The following ATG13 variants were observed in gnomAD, a reference collection of about 807,000 sequenced individuals.
ATG13 encodes autophagy-related protein 13.
A neutral mutation model predicts 65.5 loss-of-function variants in ATG13; 23 were observed. The observed-to-expected ratio is 0.35, with a 90% CI of 0.25 to 0.50. The LOEUF (loss-of-function observed/expected upper bound fraction) is 0.50, where lower values mean the gene tolerates loss of function less well. Among genes scored for constraint, ATG13 ranks in the 20% least tolerant of loss-of-function variants. ATG13 has a pLI of 0.98. For missense variants in ATG13, 566 were observed against 677.0 expected, an observed-to-expected ratio of 0.84 and a Z score of 1.82; for synonymous variants, 252 against 245.2, an observed-to-expected ratio of 1.03 and a Z score of -0.26.
chr11:46,621,569 G>A (rs1565394957), intron 1 of ATG13, among the ~76,000 whole-genome samples: 1 of 152,048 alleles, frequency 6.6e-6, no homozygotes, highest in Non-Finnish European at 1.5e-5. Flanking sequence ...ATGCATGTAG[G>A]TAGTTTGATT....
rs112132392 is a variant in ATG13, at chr11:46,666,862, A to AT, written c.1137-900dup. Among the ~76,000 whole-genome samples the AT allele has an allele frequency of 5.1e-4, 75 of 147,938 alleles. 1 individual carries two copies. The highest frequency in any genetic ancestry group is 4.5e-3 in the East Asian group (23 of 5,062). The stretch of plus-strand genomic sequence containing the variant: ...AACTTTCTCCTGATAGAAATTCCTG[A>AT]TTTTTTTTTTTCATTCCCACGGTAA... On this transcript the variant is annotated intron_variant, in intron 14 of 18. Coordinates refer to ENST00000683050, the MANE Select transcript of ATG13 (RefSeq NM_001346311.2).
At chr11:46,654,309 A>ATATATATATATATATATATATATG (rs1565550648) in intron 7 of ATG13, among the ~76,000 whole-genome samples, 2 of 143,822 alleles carry the variant, frequency 1.4e-5, no homozygotes, top group African/African-American at 5.1e-5. Flanking sequence ...ATATATATAT[A>ATATATATATATATATATATATATG]TGTAAAAGAG....
chr11:46,649,130 TC>T lies in ATG13; in HGVS notation c.271-6del, dbSNP rs1463794097. ...AAACAAATATTTTAAATTTGTCCTT[TC>T]TACAGGGAGATTCCATGGAGCTGGA... On this transcript the variant is annotated splice_region_variant and splice_polypyrimidine_tract_variant and intron_variant, in intron 5 of 18. Transcript: ENST00000683050. The T allele has an allele frequency of 6.2e-7, 1 of 1,609,772 alleles. No homozygotes were observed. Among genetic ancestry groups the T allele is most frequent in the South Asian group, 1.1e-5 (1 of 89,928 alleles).
At chr11:46,620,341 C>T (rs775273008) in intron 1 of ATG13, among the ~76,000 whole-genome samples, 3 of 151,342 alleles carry the variant, frequency 2.0e-5, no homozygotes, top group Non-Finnish European at 2.9e-5. Context: ...GTGATCCACC[C>T]GCCCTGGCCT....
chr11:46,668,948 G>A (rs777180963), intron 17 of ATG13, 38 bp downstream of exon 17: 39 of 1,506,428 alleles, frequency 2.6e-5, no homozygotes, highest in African/African-American at 1.8e-4. Flanking sequence ...TTGCTGTCCC[G>A]GGGAACTAGA....
chr11:46,638,298 G>A (rs1251588232), intron 2 of ATG13, among the ~76,000 whole-genome samples: 3 of 152,024 alleles, frequency 2.0e-5, no homozygotes, highest in African/African-American at 4.8e-5. Context: ...TCAGCTGGGC[G>A]AGGTGGCGCA....
chr11:46,654,450 G>A (rs903670461), intron 7 of ATG13, among the ~76,000 whole-genome samples: 1 of 140,010 alleles, frequency 7.1e-6, no homozygotes, highest in Non-Finnish European at 1.6e-5. Context: ...ACCAGGGGCA[G>A]TGGCTCACAC....
At chr11:46,664,664 G>T (rs2061895106) in intron 12 of ATG13, among the ~76,000 whole-genome samples, 185 bp from the exon 13 acceptor site, 1 of 152,214 alleles carries the variant, frequency 6.6e-6, no homozygotes, top group African/African-American at 2.4e-5. Context: ...ACAAGTCTGT[G>T]TTTTCTTCTC....
At chr11:46,667,664 G>A (rs2062660774) in intron 14 of ATG13, 109 bp from the exon 15 acceptor site, 1 of 731,394 alleles carries the variant, frequency 1.4e-6, no homozygotes, top group Non-Finnish European at 2.2e-6. Context: ...GGCCAGTGGG[G>A]ACCAACTCCT....
At chr11:46,664,132 T>C in intron 12 of ATG13, 37 bp downstream of exon 12, 1 of 1,385,650 alleles carries the variant, frequency 7.2e-7, no homozygotes, top group Non-Finnish European at 9.9e-7. Context: ...TATAATCAGA[T>C]GGCATCCTTT....
intron 11 of ATG13, among the ~76,000 whole-genome samples, chr11:46,663,588 G>A (rs549872748): frequency 5.8e-4 from 89 of 152,266 alleles, no homozygotes; most frequent in African/African-American, 2.0e-3. Flanking sequence ...TACAAGCCCC[G>A]CATCCTTACT....
At chr11:46,666,776 T>G (rs972048167) in intron 14 of ATG13, among the ~76,000 whole-genome samples, 1 of 151,992 alleles carries the variant, frequency 6.6e-6, no homozygotes, top group Non-Finnish European at 1.5e-5. Context: ...TGCCCTACCC[T>G]CCCTTGATTT....
chr11:46,637,761 G>C (rs545254014), intron 2 of ATG13, among the ~76,000 whole-genome samples: 86 of 152,362 alleles, frequency 5.6e-4, no homozygotes, highest in African/African-American at 1.9e-3. Flanking sequence ...GGACAGAGGA[G>C]TGGGAAAGCT....
At chr11:46,633,020 A>T (rs1196079708) in intron 2 of ATG13, among the ~76,000 whole-genome samples, 1 of 101,004 alleles carries the variant, frequency 9.9e-6, no homozygotes, top group African/African-American at 6.3e-5. Flanking sequence ...ATATATATAT[A>T]TATATATTTT....
At chr11:46,652,915 G>A (rs146818946) in intron 7 of ATG13, among the ~76,000 whole-genome samples, 271 of 151,932 alleles carry the variant, frequency 1.8e-3, no homozygotes, top group African/African-American at 6.2e-3. Flanking sequence ...ATGGTCAGCC[G>A]ACCATCTGCT....
intron 7 of ATG13, among the ~76,000 whole-genome samples, chr11:46,650,812 G>A (rs146969711): frequency 0.018 from 2,760 of 152,154 alleles, 91 homozygotes; most frequent in South Asian, 0.15. Context: ...CACCATATTG[G>A]CCAGGCTGGT....
Position 46,645,320 on chromosome 11 carries a change from G to A in ATG13, c.70-19G>A, listed in dbSNP as rs2057241480. 6.3e-7 allele frequency: 1 copy of A among 1,594,772 alleles called. No homozygotes were observed. Among genetic ancestry groups the A allele is most frequent in the Admixed American group, 1.8e-5 (1 of 56,008 alleles). ...TTTTCATCATTTTAGGATTTCTTTT[G>A]TGTTTTTTTTTTCTTTAGACTGTCC... On this transcript the variant is annotated intron_variant, in intron 3 of 18. Coordinates refer to ENST00000683050, the MANE Select transcript of ATG13 (RefSeq NM_001346311.2).
chr11:46,651,347 G>C (rs1461704126), intron 7 of ATG13, among the ~76,000 whole-genome samples: 2 of 152,162 alleles, frequency 1.3e-5, no homozygotes, highest in Non-Finnish European at 2.9e-5. Flanking sequence ...AGCCTATTAG[G>C]GAAAGAGAAT....
At chr11:46,635,931 G>C (rs965131153) in intron 2 of ATG13, among the ~76,000 whole-genome samples, 5 of 152,224 alleles carry the variant, frequency 3.3e-5, no homozygotes, top group Admixed American at 3.3e-4. Flanking sequence ...ATCCTGCAGC[G>C]CATTTCTTTC....
Sources: allele counts gnomAD v4.1 joint callset (sites outside exome capture counted in the v4.1 genomes callset), GRCh38; gene constraint gnomAD v4.1.1; transcripts MANE v1.5; gene names NCBI Gene and HGNC (gene_info 2026-07-23, HGNC 2026-07-21).